AGK: variants seen among roughly 807,000 people sequenced by gnomAD.
The protein encoded by AGK is acylglycerol kinase, also known as acylglycerol kinase, mitochondrial.
A neutral mutation model predicts 66.4 loss-of-function variants in AGK; 52 were observed. That is an observed-to-expected ratio of 0.78 (90% CI 0.63 to 0.99). AGK has a LOEUF of 0.99. Ranked by LOEUF, AGK falls within the 50% of genes least tolerant of loss-of-function variation. AGK has a pLI of 0.00. For synonymous variants in AGK, 182 were observed against 181.1 expected (o/e 1.00, Z -0.04); for missense variants, 451 against 506.6 (o/e 0.89, Z 1.05).
chr7:141,632,097 G>A (rs1797069537), intron 9 of AGK, among the ~76,000 whole-genome samples: 1 of 151,974 alleles, frequency 6.6e-6, no homozygotes, highest in Non-Finnish European at 1.5e-5. Flanking sequence ...TGGGCGTGGT[G>A]GCGTGCACCT....
intron 5 of AGK, among the ~76,000 whole-genome samples, chr7:141,602,594 G>A (rs1796371052): frequency 1.3e-5 from 2 of 151,668 alleles, no homozygotes; most frequent in African/African-American, 2.4e-5. Context: ...CAGTAATCTT[G>A]TGAGAGGTTT....
Position 141,615,489 on chromosome 7 carries a change from C to T in AGK, c.442C>T (p.Pro148Ser). 7 of 1,613,638 alleles carry T rather than the reference C, an allele frequency of 4.3e-6. No homozygotes were observed. Among genetic ancestry groups the T allele is most frequent in the Non-Finnish European group, 5.9e-6 (7 of 1,179,698 alleles). ...RTDEATFSKIPIGFIPLGETS... is the reference protein window; with the variant it reads ...RTDEATFSKISIGFIPLGETS... ...CCCCCAGGCTACCTTCAGTAAGATT[C>T]CCATTGGATTTATCCCACTGGGAGA... The change falls in exon 8 of 16, where the codon CCC (proline) becomes TCC (serine). Residue 148 changes from proline (P) to serine (S), a missense_variant. Pro to Ser is a moderately conservative substitution (Grantham distance 74). Transcript: ENST00000649286.
intron 2 of AGK, among the ~76,000 whole-genome samples, chr7:141,558,393 G>A (rs1231249367): frequency 1.3e-5 from 2 of 151,190 alleles, no homozygotes; most frequent in African/African-American, 4.9e-5. Flanking sequence ...TCGAACTCCT[G>A]ACCTCAGGTG....
chr7:141,578,815 T>C (rs531057288), intron 2 of AGK, among the ~76,000 whole-genome samples: 2 of 151,906 alleles, frequency 1.3e-5, no homozygotes, highest in East Asian at 3.9e-4. Context: ...GGACTAAGAA[T>C]TGGGAAAGTC....
chr7:141,571,746 CT>C (rs1795613114), intron 2 of AGK, among the ~76,000 whole-genome samples: 1 of 152,128 alleles, frequency 6.6e-6, no homozygotes, highest in South Asian at 2.1e-4. Context: ...CAAAGCAACC[CT>C]GGATAGTTAC....
chr7:141,573,099 A>G (rs1201488882), intron 2 of AGK, among the ~76,000 whole-genome samples: 1 of 152,148 alleles, frequency 6.6e-6, no homozygotes, highest in Non-Finnish European at 1.5e-5. Context: ...ATTTGAAGAA[A>G]GCAGTTTGTT....
intron 5 of AGK, among the ~76,000 whole-genome samples, chr7:141,606,799 G>T (rs1335126133): frequency 6.6e-6 from 1 of 152,076 alleles, no homozygotes; most frequent in Non-Finnish European, 1.5e-5. Context: ...TAATTTCACT[G>T]TCCTAAAAAT....
chr7:141,609,644 A>G (rs1312609747), intron 5 of AGK, among the ~76,000 whole-genome samples: 1 of 152,180 alleles, frequency 6.6e-6, no homozygotes, highest in Non-Finnish European at 1.5e-5. Context: ...AGGCATGATC[A>G]ATTAAATCAT....
At chr7:141,631,684 C>T (rs1359653684) in intron 9 of AGK, among the ~76,000 whole-genome samples, 5 of 152,250 alleles carry the variant, frequency 3.3e-5, no homozygotes, top group Non-Finnish European at 5.9e-5. Context: ...ATTCCCTCTC[C>T]CCTTGCCTCC....
chr7:141,564,532 T>C (rs1399363072), intron 2 of AGK, among the ~76,000 whole-genome samples: 2 of 152,132 alleles, frequency 1.3e-5, no homozygotes, highest in Admixed American at 6.5e-5. Context: ...TTACCTTCCA[T>C]TGGGCCCCTC....
chr7:141,619,673 GAA>G (rs923949363), intron 8 of AGK, among the ~76,000 whole-genome samples: 2 of 132,172 alleles, frequency 1.5e-5, no homozygotes, highest in Non-Finnish European at 1.7e-5. Context: ...GCATAAACAA[GAA>G]AAAAAAAAAG....
chr7:141,628,187 A>G (rs1796979630), intron 9 of AGK, among the ~76,000 whole-genome samples: 1 of 152,138 alleles, frequency 6.6e-6, no homozygotes, highest in Non-Finnish European at 1.5e-5. Context: ...GCCTGTGCTT[A>G]TATTTAAATG....
At chr7:141,632,352 G>A (rs1797077535) in intron 9 of AGK, among the ~76,000 whole-genome samples, 1 of 151,772 alleles carries the variant, frequency 6.6e-6, no homozygotes, top group Non-Finnish European at 1.5e-5. Context: ...CTTTATTGTT[G>A]GTACATAAAG....
intron 14 of AGK, chr7:141,650,579 A>G: frequency 1.0e-6 from 1 of 985,450 alleles, no homozygotes. Flanking sequence ...GTTGTTAATA[A>G]ATGATAAATG....
rs971225806 is a variant in AGK at position 141,579,720 on chromosome 7, G to A, written c.102-13426G>A. Among the ~76,000 whole-genome samples the A allele has an allele frequency of 2.0e-5, 3 of 151,960 alleles. No individual in the cohort carries two copies. The South Asian group carries it at 6.2e-4, about 31-fold the overall frequency. On this transcript the variant is annotated intron_variant, in intron 2 of 15. Transcript: ENST00000649286. ...TTTCCATGATGGAAAGGAAATGAGA[G>A]GTTCTAAGAGACGGGCTAGCGGCTT...
chr7:141,552,263 A>G (rs959481906), intron 1 of AGK, among the ~76,000 whole-genome samples: 2 of 152,230 alleles, frequency 1.3e-5, no homozygotes, highest in African/African-American at 4.8e-5. Flanking sequence ...AACAGTTCAA[A>G]TATGATTATA....
chr7:141,557,765 T>A (rs1395833988), intron 2 of AGK, among the ~76,000 whole-genome samples: 1 of 152,206 alleles, frequency 6.6e-6, no homozygotes, highest in Non-Finnish European at 1.5e-5. Context: ...AAATGCAAAC[T>A]CTTGTTGTCC....
At chr7:141,639,279 A>G (rs1797236048) in intron 11 of AGK, among the ~76,000 whole-genome samples, 1 of 152,194 alleles carries the variant, frequency 6.6e-6, no homozygotes, top group Non-Finnish European at 1.5e-5. Context: ...AGGACACGCT[A>G]CTCCTTCAAG....
chr7:141,580,099 A>T (rs1795848886), intron 2 of AGK, among the ~76,000 whole-genome samples: 2 of 152,014 alleles, frequency 1.3e-5, no homozygotes, highest in Non-Finnish European at 2.9e-5. Context: ...TTAATGATGG[A>T]GGACCCTTGC....
Sources: allele counts gnomAD v4.1 joint callset (sites outside exome capture counted in the v4.1 genomes callset), GRCh38; gene constraint gnomAD v4.1.1; transcripts MANE v1.5; gene names NCBI Gene and HGNC (gene_info 2026-07-23, HGNC 2026-07-21).